The following DLGAP1 variants were observed in gnomAD, a reference collection of about 807,000 sequenced individuals.
DLGAP1 encodes disks large-associated protein 1.
Under a neutral mutation model 90.8 loss-of-function variants are expected in DLGAP1, and 11 were observed. That is an observed-to-expected ratio of 0.12 (90% CI 0.08 to 0.20). DLGAP1 has a LOEUF of 0.20. Among genes scored for constraint, DLGAP1 ranks in the 10% least tolerant of loss-of-function variants. The probability of loss-of-function intolerance (pLI) is 1.00; values close to 1 mark genes in which losing one functional copy is unlikely to be tolerated. For synonymous variants in DLGAP1, 558 were observed against 540.7 expected (o/e 1.03, Z -0.44); for missense variants, 1,050 against 1,333.8 (o/e 0.79, Z 3.31).
chr18:4,216,059 T>C (rs986732773), intron 1 of DLGAP1, among the ~76,000 whole-genome samples: 1 of 152,036 alleles, frequency 6.6e-6, no homozygotes, highest in African/African-American at 2.4e-5. Context: ...CGAGACTGGG[T>C]AATTTATAAA....
At chr18:3,571,725 A>G (rs1211219428) in intron 8 of DLGAP1, among the ~76,000 whole-genome samples, 1 of 151,934 alleles carries the variant, frequency 6.6e-6, no homozygotes, top group African/African-American at 2.4e-5. Context: ...ACTGGGTTTC[A>G]TCATGTTGGC....
rs188459034 is a variant in DLGAP1, at chr18:4,002,545, T to C, written c.-73+2571A>G. On this transcript the variant is annotated intron_variant, in intron 3 of 12. Transcript: ENST00000315677. ...CTTCTCTTGCTTATGATTTTCTTAA[T>C]AACACTTTTTTTCCTCTAGCTTACT... 7.4e-5 allele frequency among the ~76,000 whole-genome samples: 9 copies of C among 121,216 alleles called. No homozygotes were observed. In the East Asian group the frequency reaches 2.2e-3, roughly 29 times the overall value. The allele number at this position is 121,216 out of a possible 152,430, so 79.5% of individuals were successfully genotyped here.
intron 7 of DLGAP1, among the ~76,000 whole-genome samples, chr18:3,633,491 T>C (rs1458667298): frequency 6.6e-6 from 1 of 151,850 alleles, no homozygotes; most frequent in Non-Finnish European, 1.5e-5. Flanking sequence ...GGGGAATTTA[T>C]CAGAATTAAG....
intron 9 of DLGAP1, among the ~76,000 whole-genome samples, chr18:3,566,099 A>G (rs1419337922): frequency 6.6e-6 from 1 of 150,574 alleles, no homozygotes; most frequent in African/African-American, 2.5e-5. Context: ...GTGAGGTGCT[A>G]TAAATTACAA....
intron 5 of DLGAP1, among the ~76,000 whole-genome samples, chr18:3,805,027 G>C (rs544141459): frequency 6.6e-6 from 1 of 152,130 alleles, no homozygotes; most frequent in Admixed American, 6.5e-5. Flanking sequence ...CCATTAGATC[G>C]CAAGTTCTGT....
intron 1 of DLGAP1, among the ~76,000 whole-genome samples, chr18:4,423,831 G>A (rs1212033101): frequency 7.1e-6 from 1 of 140,628 alleles, no homozygotes; most frequent in Non-Finnish European, 1.5e-5. Context: ...CACTAGTTAA[G>A]TGGAAAGTGC....
At position 3,581,955 on chromosome 18, in the gene DLGAP1, T is replaced by C. The variant is rs754808909; in HGVS notation, c.1885A>G (p.Thr629Ala). The change falls in exon 8 of 13, where the codon ACT becomes GCT. Residue 629 changes from threonine (T) to alanine (A), a missense_variant. By Grantham distance (58) the Thr-to-Ala change is moderately conservative. This residue lies in a region of DLGAP1 where 565 missense variants were observed against 879.7 expected (regional missense o/e 0.64). Transcript: ENST00000315677. Reference protein sequence around the residue: ...GNNTATVTTTTTIATVTTEDR... With the variant: ...GNNTATVTTTATIATVTTEDR... ...TCCGTGGTGACGGTGGCTATGGTAG[T>C]CGTGGTGGTGACGGTGGCAGTGTTA... 6.2e-7 allele frequency: 1 copy of C among 1,614,122 alleles called. No homozygotes were observed. The highest frequency in any genetic ancestry group is 1.1e-5 in the South Asian group (1 of 91,078).
chr18:3,590,313 T>C (rs2056160017), intron 7 of DLGAP1, among the ~76,000 whole-genome samples: 1 of 152,234 alleles, frequency 6.6e-6, no homozygotes, highest in Non-Finnish European at 1.5e-5. Context: ...CACATTTCTT[T>C]CTACCTCTGT....
At chr18:4,356,512 G>A (rs760961986) in intron 1 of DLGAP1, among the ~76,000 whole-genome samples, 29 of 151,958 alleles carry the variant, frequency 1.9e-4, no homozygotes, top group Non-Finnish European at 3.2e-4. Context: ...CAAAAATATT[G>A]GTGTCATGAA....
In DLGAP1 at chr18:3,755,822, C is replaced by T. The variant is rs117561567; in HGVS notation, c.1173-13310G>A. 6.4e-3 allele frequency among the ~76,000 whole-genome samples: 979 copies of T among 152,270 alleles called. 5 individuals carry two copies. Among genetic ancestry groups the T allele is most frequent in the Non-Finnish European group, 0.011 (760 of 68,026 alleles). On this transcript the variant is annotated intron_variant, in intron 5 of 12. Transcript: ENST00000315677. ...GACACTATCAACCAAACAGAACTAA[C>T]GGATACCTATAGAACACTCCACTAA...
intron 3 of DLGAP1, among the ~76,000 whole-genome samples, chr18:3,937,029 C>T (rs2072656899): frequency 6.6e-6 from 1 of 152,124 alleles, no homozygotes; most frequent in Non-Finnish European, 1.5e-5. Context: ...AAGTGTAATG[C>T]AGGGAAAGAA....
chr18:4,255,512 T>TAC (rs1005488030), intron 1 of DLGAP1, among the ~76,000 whole-genome samples: 1 of 141,510 alleles, frequency 7.1e-6, no homozygotes, highest in African/African-American at 3.0e-5. Context: ...AAAAAAAAAA[T>TAC]ATATATATAT....
chr18:3,868,619 C>T (rs2070550196), intron 4 of DLGAP1, among the ~76,000 whole-genome samples: 1 of 152,132 alleles, frequency 6.6e-6, no homozygotes, highest in African/African-American at 2.4e-5. Context: ...GTCAAGTTTT[C>T]ATAATTAAGA....
intron 5 of DLGAP1, among the ~76,000 whole-genome samples, chr18:3,768,221 T>G (rs1471831080): frequency 6.6e-6 from 1 of 152,122 alleles, no homozygotes; most frequent in Non-Finnish European, 1.5e-5. Context: ...GAAAATAAAA[T>G]ACTTAGGTGT....
At chr18:4,231,998 G>T (rs1169529528) in intron 1 of DLGAP1, among the ~76,000 whole-genome samples, 1 of 152,096 alleles carries the variant, frequency 6.6e-6, no homozygotes, top group Non-Finnish European at 1.5e-5. Flanking sequence ...AGTTCATGTA[G>T]AACTGAATAA....
intron 2 of DLGAP1, among the ~76,000 whole-genome samples, chr18:4,068,429 T>C (rs8092728): frequency 0.44 from 67,109 of 151,062 alleles, 15,884 homozygotes; most frequent in African/African-American, 0.61. Context: ...TAATGTCATA[T>C]ATTTTTCCAT....
chr18:3,967,680 ACT>A (rs1404335659), intron 3 of DLGAP1, among the ~76,000 whole-genome samples: 17 of 151,894 alleles, frequency 1.1e-4, no homozygotes, highest in Admixed American at 2.0e-4. Context: ...AGTATTGATC[ACT>A]CTCTGTTTCA....
chr18:4,265,569 TTCCTTTTTC>T (rs2079099859), intron 1 of DLGAP1, among the ~76,000 whole-genome samples: 1 of 135,402 alleles, frequency 7.4e-6, no homozygotes, highest in African/African-American at 3.0e-5. Flanking sequence ...TTCCTTTCCT[TTCCTTTTTC>T]TTTGTTTCTT....
chr18:3,712,251 G>A (rs1358000549), intron 7 of DLGAP1, among the ~76,000 whole-genome samples: 4 of 152,208 alleles, frequency 2.6e-5, no homozygotes, highest in Non-Finnish European at 4.4e-5. Flanking sequence ...GACTGTAGTG[G>A]GGGTCAGCCC....
Sources: gnomAD v4.1 joint callset for allele counts (sites outside exome capture counted in the v4.1 genomes callset) on GRCh38, gnomAD v4.1.1 for gene constraint, gnomAD v4.1.1 regional missense constraint, MANE v1.5 for transcripts, NCBI Gene and HGNC (gene_info 2026-07-23, HGNC 2026-07-21) for gene names.